The following FGGY variants were observed in gnomAD, a reference collection of about 807,000 sequenced individuals.
FGGY encodes FGGY carbohydrate kinase domain-containing protein.
FGGY carries 72 observed loss-of-function variants against 71.3 expected under a neutral mutation model. The observed-to-expected ratio is 1.01, with a 90% CI of 0.84 to 1.23. The LOEUF is 1.23. FGGY is among the 50% of genes most tolerant of loss of function. FGGY has a pLI of 0.00. For missense variants in FGGY, 668 were observed against 682.3 expected, an observed-to-expected ratio of 0.98 and a Z score of 0.23; for synonymous variants, 251 against 250.3, an observed-to-expected ratio of 1.00 and a Z score of -0.02.
chr1:59,605,218 A>G (rs951006612), intron 8 of FGGY, among the ~76,000 whole-genome samples: 4 of 152,078 alleles, frequency 2.6e-5, no homozygotes, highest in South Asian at 2.1e-4. Flanking sequence ...TCCCTCATTT[A>G]CTTCTCACAG....
intron 11 of FGGY, among the ~76,000 whole-genome samples, chr1:59,645,466 A>G (rs1032548213): frequency 1.3e-5 from 2 of 152,194 alleles, no homozygotes; most frequent in Admixed American, 6.5e-5. Flanking sequence ...AGAGAAGCCC[A>G]CCAGTCCCTT....
At chr1:59,691,112 G>C (rs549325381) in intron 14 of FGGY, among the ~76,000 whole-genome samples, 1 of 152,342 alleles carries the variant, frequency 6.6e-6, no homozygotes, top group South Asian at 2.1e-4. Context: ...GGTGAACTGT[G>C]TCTCTGGCTT....
intron 14 of FGGY, chr1:59,697,571 C>T (rs2097672237): frequency 1.3e-6 from 1 of 757,422 alleles, no homozygotes; most frequent in African/African-American, 1.8e-5. Context: ...ATAGCTTGTT[C>T]TCTGTGATCT....
chr1:59,564,669 CA>C (rs1445814945), intron 8 of FGGY, among the ~76,000 whole-genome samples: 3 of 152,230 alleles, frequency 2.0e-5, no homozygotes, highest in Non-Finnish European at 2.9e-5. Flanking sequence ...CTGGAACTCA[CA>C]TGCCACTGGC....
intron 6 of FGGY, among the ~76,000 whole-genome samples, chr1:59,483,906 G>A (rs1295100883): frequency 2.0e-5 from 3 of 152,014 alleles, no homozygotes; most frequent in Non-Finnish European, 4.4e-5. Flanking sequence ...GATGAAGGAA[G>A]CAGGGGTCTT....
intron 8 of FGGY, among the ~76,000 whole-genome samples, chr1:59,595,017 C>T (rs2096502977): frequency 1.3e-5 from 2 of 152,164 alleles, no homozygotes; most frequent in Admixed American, 6.5e-5. Context: ...GCTGGTTCCA[C>T]TGATGCCCCT....
At chr1:59,587,600 T>A (rs1458890084) in intron 8 of FGGY, among the ~76,000 whole-genome samples, 2 of 152,078 alleles carry the variant, frequency 1.3e-5, no homozygotes, top group Non-Finnish European at 2.9e-5. Flanking sequence ...GAGACAAAAC[T>A]TCCAGAGGAA....
intron 6 of FGGY, among the ~76,000 whole-genome samples, chr1:59,477,744 G>C (rs935411518): frequency 2.6e-5 from 4 of 152,164 alleles, no homozygotes; most frequent in African/African-American, 7.2e-5. Flanking sequence ...TAAGGGACCA[G>C]GTAATGATTT....
chr1:59,325,312 G>A (rs1243096582), intron 2 of FGGY, among the ~76,000 whole-genome samples: 1 of 152,088 alleles, frequency 6.6e-6, no homozygotes, highest in African/African-American at 2.4e-5. Context: ...AGCCGAGATT[G>A]CGCCATTGCA....
intron 12 of FGGY, among the ~76,000 whole-genome samples, chr1:59,660,774 A>G (rs1181510440): frequency 6.6e-6 from 1 of 152,220 alleles, no homozygotes; most frequent in African/African-American, 2.4e-5. Context: ...AGGGAGGAAG[A>G]GGGGAATTTA....
intron 4 of FGGY, among the ~76,000 whole-genome samples, chr1:59,348,616 A>G (rs1557632329): frequency 6.6e-6 from 1 of 152,306 alleles, no homozygotes; most frequent in South Asian, 2.1e-4. Context: ...CTGAGATTTC[A>G]GGTGGGCTGA....
chr1:59,566,875 A>G (rs2095881210), intron 8 of FGGY, among the ~76,000 whole-genome samples: 1 of 152,166 alleles, frequency 6.6e-6, no homozygotes, highest in South Asian at 2.1e-4. Flanking sequence ...GAAAGAGGAG[A>G]CTTACTGCCC....
intron 5 of FGGY, among the ~76,000 whole-genome samples, chr1:59,426,194 C>G (rs1256008938): frequency 1.3e-5 from 2 of 152,166 alleles, no homozygotes; most frequent in African/African-American, 4.8e-5. Context: ...CGCTTTTAGT[C>G]AGCAGCTCCC....
intron 14 of FGGY, among the ~76,000 whole-genome samples, chr1:59,702,710 C>T (rs978517398): frequency 6.6e-6 from 1 of 152,142 alleles, no homozygotes; most frequent in Non-Finnish European, 1.5e-5. Flanking sequence ...TCTTCAAACC[C>T]GTAAAGTGGA....
rs145526399 is a variant in FGGY, at chr1:59,615,836, A to G, written c.1011+7926A>G. 8.6e-3 allele frequency among the ~76,000 whole-genome samples: 1,303 copies of G among 152,224 alleles called. 24 individuals carry two copies. The highest frequency in any genetic ancestry group is 0.03 in the African/African-American group (1,242 of 41,548). ...ACAACCCCATCAGCAAGTGGGCGAAAGATATGAACAGACACTTCTCAAATG... is the reference window on the plus strand; with the variant it reads ...ACAACCCCATCAGCAAGTGGGCGAAGGATATGAACAGACACTTCTCAAATG... On this transcript the variant is annotated intron_variant, in intron 9 of 15. Coordinates refer to ENST00000303721, the MANE Select transcript of FGGY (RefSeq NM_018291.5).
intron 5 of FGGY, among the ~76,000 whole-genome samples, chr1:59,437,002 G>A (rs960930198): frequency 6.6e-6 from 1 of 152,158 alleles, no homozygotes; most frequent in Admixed American, 6.5e-5. Context: ...TTAGAGCAGA[G>A]GAGGAACTTC....
At chr1:59,356,368 G>T (rs1018805595) in intron 4 of FGGY, among the ~76,000 whole-genome samples, 1 of 152,022 alleles carries the variant, frequency 6.6e-6, no homozygotes, top group Non-Finnish European at 1.5e-5. Context: ...CTTCTGCCTG[G>T]CAAACTTATA....
At chr1:59,383,951 G>A (rs1029403919) in intron 5 of FGGY, among the ~76,000 whole-genome samples, 9 of 152,058 alleles carry the variant, frequency 5.9e-5, no homozygotes, top group Admixed American at 2.0e-4. Context: ...TGTGTCACGG[G>A]TGCGTCCTTA....
intron 14 of FGGY, among the ~76,000 whole-genome samples, chr1:59,676,781 C>T (rs116336231): frequency 6.6e-6 from 1 of 152,186 alleles, no homozygotes; most frequent in African/African-American, 2.4e-5. Context: ...CTGTCCTGAT[C>T]GTTTTCAGGA....
Sources: allele counts gnomAD v4.1 joint callset (sites outside exome capture counted in the v4.1 genomes callset), GRCh38; gene constraint gnomAD v4.1.1; transcripts MANE v1.5; gene names NCBI Gene and HGNC (gene_info 2026-07-23, HGNC 2026-07-21).